SPATS2L: variants seen among roughly 807,000 people sequenced by gnomAD.
SPATS2L encodes spermatogenesis associated serine rich 2 like.
In SPATS2L, 30 loss-of-function variants were observed where a neutral mutation model predicts 59.6. The ratio of observed to expected loss-of-function variants is 0.50; its 90% CI spans 0.38 to 0.68. The LOEUF (loss-of-function observed/expected upper bound fraction) is 0.68, where lower values mean the gene tolerates loss of function less well. SPATS2L is among the 30% of genes least tolerant of loss of function. The pLI is 0.00. For missense variants in SPATS2L, 615 were observed against 700.0 expected, an observed-to-expected ratio of 0.88 and a Z score of 1.37; for synonymous variants, 252 against 263.5, an observed-to-expected ratio of 0.96 and a Z score of 0.42.
intron 2 of SPATS2L, among the ~76,000 whole-genome samples, chr2:200,386,318 A>T (rs1223670471): frequency 6.6e-6 from 1 of 152,214 alleles, no homozygotes; most frequent in East Asian, 1.9e-4. Flanking sequence ...CCTCACAGCC[A>T]GCATTTTTCT....
intron 6 of SPATS2L, among the ~76,000 whole-genome samples, chr2:200,431,894 C>A (rs2083957667): frequency 6.6e-6 from 1 of 152,100 alleles, no homozygotes; most frequent in South Asian, 2.1e-4. Flanking sequence ...AAATTAAGCA[C>A]AAGTAAAGTA....
In SPATS2L at chr2:200,419,403, A is replaced by G; in HGVS notation, c.352A>G (p.Thr118Ala). Reference sequence around the variant, plus strand: ...TGGCTGCGAGAAGGACAGCTCGTCCACAGATTCTGCTAACGAAAAACCAGC... The same window carrying G: ...TGGCTGCGAGAAGGACAGCTCGTCCGCAGATTCTGCTAACGAAAAACCAGC... ...MNGCEKDSSS[T>A]DSANEKPALI... The change falls in exon 6 of 13, where the codon ACA becomes GCA. Residue 118 changes from threonine to alanine, a missense_variant. Thr to Ala is a moderately conservative substitution (Grantham distance 58). Coordinates refer to ENST00000409140, the MANE Select transcript of SPATS2L (RefSeq NM_001100423.2). 4 of 1,613,698 alleles carry G rather than the reference A, an allele frequency of 2.5e-6. No homozygotes were observed. Among genetic ancestry groups the G allele is most frequent in the Non-Finnish European group, 3.4e-6 (4 of 1,179,802 alleles).
intron 12 of SPATS2L, among the ~76,000 whole-genome samples, chr2:200,473,931 C>T (rs1237311972): frequency 1.3e-4 from 19 of 151,838 alleles, no homozygotes; most frequent in Admixed American, 2.0e-4. Context: ...ACCCGGGAGG[C>T]GGAGGTTTCA....
chr2:200,463,567 C>G (rs946389905), intron 9 of SPATS2L, among the ~76,000 whole-genome samples: 2 of 152,090 alleles, frequency 1.3e-5, no homozygotes, highest in African/African-American at 4.8e-5. Flanking sequence ...GTATGTTATT[C>G]CATTTATTTC....
At chr2:200,422,719 A>G (rs2083364843) in intron 6 of SPATS2L, among the ~76,000 whole-genome samples, 1 of 152,188 alleles carries the variant, frequency 6.6e-6, no homozygotes, top group African/African-American at 2.4e-5. Context: ...CTTGGAAGAT[A>G]GGTTCCAGGA....
intron 2 of SPATS2L, among the ~76,000 whole-genome samples, chr2:200,377,588 T>C (rs2081642142): frequency 6.7e-6 from 1 of 148,760 alleles, no homozygotes; most frequent in Non-Finnish European, 1.5e-5. Flanking sequence ...GGAGCAGGTC[T>C]GACAGGTAAG....
intron 1 of SPATS2L, chr2:200,309,049 T>C (rs1265783555): frequency 1.4e-6 from 1 of 717,976 alleles, no homozygotes; most frequent in Non-Finnish European, 2.6e-6. Flanking sequence ...CAGTCTTTGA[T>C]TGCATGCCAG....
intron 1 of SPATS2L, among the ~76,000 whole-genome samples, chr2:200,317,523 T>A (rs988043728): frequency 6.6e-6 from 1 of 152,122 alleles, no homozygotes; most frequent in African/African-American, 2.4e-5. Context: ...CTGAGACTGA[T>A]CAGGAAGAGG....
At chr2:200,327,505 A>G (rs758523952) in intron 1 of SPATS2L, among the ~76,000 whole-genome samples, 1 of 152,186 alleles carries the variant, frequency 6.6e-6, no homozygotes, top group Non-Finnish European at 1.5e-5. Flanking sequence ...GCTTCTTTCC[A>G]TGTCAAAGAT....
chr2:200,356,873 G>A (rs1387788373), intron 2 of SPATS2L, among the ~76,000 whole-genome samples: 1 of 152,134 alleles, frequency 6.6e-6, no homozygotes, highest in East Asian at 1.9e-4. Context: ...AGAGCAAGAG[G>A]GGGCTCACCT....
chr2:200,415,314 A>G (rs1041070305), intron 4 of SPATS2L, among the ~76,000 whole-genome samples: 1 of 152,202 alleles, frequency 6.6e-6, no homozygotes, highest in African/African-American at 2.4e-5. Flanking sequence ...CTTATCTAAC[A>G]GTGACAGTAG....
chr2:200,419,663 CAG>C (rs2083227438), intron 6 of SPATS2L, among the ~76,000 whole-genome samples, 167 bp downstream of exon 6: 1 of 150,850 alleles, frequency 6.6e-6, no homozygotes, highest in Non-Finnish European at 1.5e-5. Flanking sequence ...GGGAATGTAA[CAG>C]GGCAGAGAAT....
In SPATS2L at chr2:200,346,801, A is replaced by G. The variant is rs575089752; in HGVS notation, c.-23+17321A>G. On this transcript the variant is annotated intron_variant, in intron 2 of 12. Transcript: ENST00000409140. ...AGTCCAAGACATAATTTGAAACTGA[A>G]GGATTCTTGCCTGGAGACAGTGGGC... is the stretch of plus-strand genomic sequence containing the variant. 2.0e-5 allele frequency among the ~76,000 whole-genome samples: 3 copies of G among 152,328 alleles called. No homozygotes were observed. In the East Asian group the frequency reaches 5.8e-4, roughly 29 times the overall value.
At chr2:200,430,784 C>A (rs1458021785) in intron 6 of SPATS2L, among the ~76,000 whole-genome samples, 1 of 136,114 alleles carries the variant, frequency 7.3e-6, no homozygotes, top group African/African-American at 2.8e-5. Flanking sequence ...GTGACATGAT[C>A]TTGGCTCACC....
At position 200,478,694 on chromosome 2, in the gene SPATS2L, T is replaced by C. The variant is rs1002011150; in HGVS notation, c.*663T>C. On this transcript the variant is annotated 3_prime_UTR_variant, in exon 13 of 13. Transcript: ENST00000409140. ...CTTTCAGGAAAATATATATATGCCC[T>C]TTCAATTAGATTACACAAATAGATG... 7 of 152,536 alleles carry C rather than the reference T, an allele frequency of 4.6e-5. No individual in the cohort carries two copies. Among genetic ancestry groups the C allele is most frequent in the African/African-American group, 1.7e-4 (7 of 41,424 alleles). The allele number at this position is 152,536 out of a possible 1,614,324, so 9.4% of individuals were successfully genotyped here. A position where few individuals can be genotyped will look rare whatever the true frequency, so the allele number is the denominator to read the frequency against.
chr2:200,452,378 A>G lies in SPATS2L; in HGVS notation c.789-7391A>G, dbSNP rs1409877214. On this transcript the variant is annotated intron_variant, in intron 8 of 12. Transcript: ENST00000409140. ...TAAAAAATTCCAATAAGAAAAAGAA[A>G]TCCCTGTATATTTTTTAATTAATTA... Among the ~76,000 whole-genome samples, 5 of 152,280 alleles carry G rather than the reference A, an allele frequency of 3.3e-5. No homozygotes were observed. In the East Asian group the frequency reaches 9.6e-4, roughly 29 times the overall value.
chr2:200,341,546 G>A (rs1434278040), intron 2 of SPATS2L, among the ~76,000 whole-genome samples: 5 of 149,860 alleles, frequency 3.3e-5, no homozygotes, highest in African/African-American at 1.2e-4. Context: ...TTGCTGCTTG[G>A]ATATACTGCT....
intron 9 of SPATS2L, among the ~76,000 whole-genome samples, chr2:200,467,073 C>T (rs564127073): frequency 4.9e-4 from 75 of 152,236 alleles, no homozygotes; most frequent in African/African-American, 1.7e-3. Flanking sequence ...TCAGAAGGGA[C>T]TGTGTTTGGC....
At chr2:200,454,788 G>A (rs1252568899) in intron 8 of SPATS2L, among the ~76,000 whole-genome samples, 1 of 152,172 alleles carries the variant, frequency 6.6e-6, no homozygotes, top group Non-Finnish European at 1.5e-5. Context: ...TGTAGAACAC[G>A]TTTGACGTGC....
Sources: allele counts gnomAD v4.1 joint callset (sites outside exome capture counted in the v4.1 genomes callset), GRCh38; gene constraint gnomAD v4.1.1; transcripts MANE v1.5; gene names NCBI Gene and HGNC (gene_info 2026-07-23, HGNC 2026-07-21).